The following ALK variants were observed in gnomAD, a reference collection of about 807,000 sequenced individuals.
ALK encodes the protein ALK tyrosine kinase receptor.
A neutral mutation model predicts 163.1 loss-of-function variants in ALK; 74 were observed. That is an observed-to-expected ratio of 0.45 (90% CI 0.38 to 0.55). ALK has a LOEUF of 0.55. Ranked by LOEUF, ALK falls within the 20% of genes least tolerant of loss-of-function variation. The pLI is 0.00. For missense variants in ALK, 2,063 were observed against 2,105.3 expected (o/e 0.98, Z 0.39); for synonymous variants, 960 against 843.2 (o/e 1.14, Z -2.40).
At chr2:29,511,388 C>A (rs900691361) in intron 4 of ALK, among the ~76,000 whole-genome samples, 2 of 152,186 alleles carry the variant, frequency 1.3e-5, no homozygotes, top group Admixed American at 6.5e-5. Flanking sequence ...AATGGAAGCA[C>A]AAACTATGTG....
intron 1 of ALK, among the ~76,000 whole-genome samples, chr2:29,837,730 A>C (rs1665596679): frequency 6.6e-6 from 1 of 152,228 alleles, no homozygotes; most frequent in Non-Finnish European, 1.5e-5. Context: ...ACAAAATTCA[A>C]CTATTTATTA....
At chr2:29,522,046 G>C (rs1365221308) in intron 4 of ALK, among the ~76,000 whole-genome samples, 1 of 152,104 alleles carries the variant, frequency 6.6e-6, no homozygotes, top group Non-Finnish European at 1.5e-5. Context: ...AAATGCAGCT[G>C]GGATTTATAA....
chr2:29,220,611 G>A (rs1235916267), intron 23 of ALK, 95 bp downstream of exon 23: 33 of 1,575,684 alleles, frequency 2.1e-5, no homozygotes, highest in East Asian at 4.5e-5. Flanking sequence ...GGGTTCCATC[G>A]AGGAACTTGC....
chr2:29,518,031 T>C (rs75009829), intron 4 of ALK, among the ~76,000 whole-genome samples: 3,502 of 152,236 alleles, frequency 0.023, 135 homozygotes, highest in African/African-American at 0.079. Context: ...CCTGGAGATA[T>C]GGAGAATAAA....
At chr2:29,194,048 A>G (rs1668962280) in intron 28 of ALK, 126 bp from the exon 29 acceptor site, 31 of 961,366 alleles carry the variant, frequency 3.2e-5, no homozygotes, top group Middle Eastern at 4.6e-4. Context: ...TATTGAGAAT[A>G]TAGTAACTTA....
At chr2:29,516,254 G>A (rs138168539) in intron 4 of ALK, among the ~76,000 whole-genome samples, 2,448 of 152,302 alleles carry the variant, frequency 0.016, 24 homozygotes, top group Admixed American at 0.025. Flanking sequence ...TTTGGTGGGA[G>A]TATAGATCAG....
chr2:29,420,864 C>A (rs982539982), intron 4 of ALK, among the ~76,000 whole-genome samples: 1 of 151,506 alleles, frequency 6.6e-6, no homozygotes, highest in Non-Finnish European at 1.5e-5. Context: ...TTTAAAAAGT[C>A]TGGAGAAAGA....
Position 29,438,142 on chromosome 2 carries a change from C to A in ALK, c.1155-54283G>T, listed in dbSNP as rs549782712. ...CCATTTCTGATCAAAGAACACGAAG[C>A]AAATACCTTAGACTGACATTATTTT... On this transcript the variant is annotated intron_variant, in intron 4 of 28. Coordinates refer to ENST00000389048, the MANE Select transcript of ALK (RefSeq NM_004304.5). Among the ~76,000 whole-genome samples, 10 of 150,348 alleles carry A rather than the reference C, an allele frequency of 6.7e-5. No individual in the cohort carries two copies. The South Asian group carries it at 1.9e-3, about 29-fold the overall frequency.
chr2:29,459,503 T>G (rs561635137), intron 4 of ALK, among the ~76,000 whole-genome samples: 2 of 152,110 alleles, frequency 1.3e-5, no homozygotes, highest in African/African-American at 4.8e-5. Context: ...AATCTTTGAT[T>G]GTTGCAAACT....
chr2:29,361,480 G>C (rs946790771), intron 5 of ALK, among the ~76,000 whole-genome samples: 1 of 152,210 alleles, frequency 6.6e-6, no homozygotes, highest in African/African-American at 2.4e-5. Flanking sequence ...TGGCGCGTAG[G>C]AAATGCATTT....
chr2:29,672,798 G>A (rs1298806216), intron 3 of ALK, among the ~76,000 whole-genome samples: 203 of 148,056 alleles, frequency 1.4e-3, no homozygotes, highest in African/African-American at 4.8e-3. Flanking sequence ...CACCAACAGT[G>A]TAAAAGTGTT....
chr2:29,746,160 A>G (rs558791596), intron 1 of ALK, among the ~76,000 whole-genome samples: 2 of 152,328 alleles, frequency 1.3e-5, no homozygotes, highest in South Asian at 2.1e-4. Flanking sequence ...ACCACTAGAA[A>G]GAAGCAAAAC....
At chr2:29,207,487 G>T (rs756426790) in intron 25 of ALK, among the ~76,000 whole-genome samples, 1 of 152,196 alleles carries the variant, frequency 6.6e-6, no homozygotes, top group Non-Finnish European at 1.5e-5. Flanking sequence ...AACAAACCAC[G>T]AGAGGCATGA....
At chr2:29,244,267 G>C (rs760694361) in intron 12 of ALK, among the ~76,000 whole-genome samples, 1 of 152,194 alleles carries the variant, frequency 6.6e-6, no homozygotes, top group African/African-American at 2.4e-5. Flanking sequence ...CTTTTCTCCC[G>C]TTTCTCAGTT....
chr2:29,649,841 C>T (rs1293069202), intron 3 of ALK, among the ~76,000 whole-genome samples: 1 of 152,114 alleles, frequency 6.6e-6, no homozygotes, highest in Admixed American at 6.6e-5. Context: ...TTACTTTGGC[C>T]CCCCATGGCC....
intron 4 of ALK, among the ~76,000 whole-genome samples, chr2:29,482,107 T>C (rs1417130333): frequency 1.3e-5 from 2 of 152,178 alleles, no homozygotes; most frequent in Non-Finnish European, 2.9e-5. Context: ...AAATTCTGCC[T>C]CTTCCCTCAA....
chr2:29,583,044 T>TTTTTTTTG (rs1553335223), intron 3 of ALK, among the ~76,000 whole-genome samples: 1 of 149,658 alleles, frequency 6.7e-6, no homozygotes, highest in Admixed American at 6.7e-5. Context: ...TGTTTTTTGT[T>TTTTTTTTG]TTTTTGTTTT....
chr2:29,290,251 CT>C (rs1245443607), intron 9 of ALK, among the ~76,000 whole-genome samples: 1 of 152,206 alleles, frequency 6.6e-6, no homozygotes, highest in Non-Finnish European at 1.5e-5. Context: ...GACATCTACC[CT>C]AGCTGCTCAG....
intron 8 of ALK, among the ~76,000 whole-genome samples, chr2:29,301,842 G>A (rs1666380490): frequency 6.6e-6 from 1 of 152,206 alleles, no homozygotes. Context: ...TGGCCACCCA[G>A]GGATGGTGTG....
Sources: allele counts gnomAD v4.1 joint callset (sites outside exome capture counted in the v4.1 genomes callset), GRCh38; gene constraint gnomAD v4.1.1; transcripts MANE v1.5; gene names NCBI Gene and HGNC (gene_info 2026-07-23, HGNC 2026-07-21).